Variants in SLC36A1 observed in about 807,000 individuals in gnomAD.
SLC36A1 encodes the protein solute carrier family 36 member 1.
Under a neutral mutation model 47.5 loss-of-function variants are expected in SLC36A1, and 30 were observed. The observed-to-expected ratio is 0.63, with a 90% confidence interval of 0.47 to 0.86. The LOEUF is 0.86. SLC36A1 is among the 40% of genes least tolerant of loss of function. The pLI, the probability that SLC36A1 is intolerant of heterozygous loss-of-function variation, is 0.00. For synonymous variants in SLC36A1, 255 were observed against 249.7 expected (o/e 1.02, Z -0.20); for missense variants, 517 against 606.0 (o/e 0.85, Z 1.54).
At chr5:151,554,890 C>T in the SLC36A1 span, among the ~76,000 whole-genome samples, 1 of 152,236 alleles carries the variant, frequency 6.6e-6, no homozygotes, top group Non-Finnish European at 1.5e-5. Context: ...TGGAAGAAGA[C>T]AGAGTCAGAG....
At chr5:151,353,429 T>G in the SLC36A1 span, among the ~76,000 whole-genome samples, 2 of 152,168 alleles carry the variant, frequency 1.3e-5, no homozygotes, top group Non-Finnish European at 2.9e-5. Context: ...TAGAGCAGTC[T>G]TAGGTTCACA....
At chr5:151,543,261 G>A in the SLC36A1 span, 2 of 1,614,084 alleles carry the variant, frequency 1.2e-6, no homozygotes, top group Non-Finnish European at 1.7e-6. Context: ...GGTTCACTGA[G>A]TAGGTGACAT....
chr5:151,402,711 G>C, the SLC36A1 span, among the ~76,000 whole-genome samples: 1 of 152,182 alleles, frequency 6.6e-6, no homozygotes, highest in African/African-American at 2.4e-5. Context: ...TCAGAGTCTT[G>C]ATTTCCTTCT....
At chr5:151,497,617 C>T in the SLC36A1 span, among the ~76,000 whole-genome samples, 2,232 of 152,170 alleles carry the variant, frequency 0.015, 50 homozygotes, top group African/African-American at 0.051. Context: ...GCTGGATTTC[C>T]GGCTGCTCTG....
At chr5:151,355,546 C>G in the SLC36A1 span, among the ~76,000 whole-genome samples, 109 of 152,210 alleles carry the variant, frequency 7.2e-4, 1 homozygote, top group East Asian at 9.7e-4. Context: ...GCAGCATTAT[C>G]TGTAATAGCA....
chr5:151,431,499 G>A, the SLC36A1 span: 1 of 152,200 alleles, frequency 6.6e-6, no homozygotes, highest in African/African-American at 2.4e-5. Context: ...TGGTTTGGTT[G>A]TGCCCCCACC....
the SLC36A1 span, among the ~76,000 whole-genome samples, chr5:151,374,133 A>G: frequency 6.6e-6 from 1 of 152,112 alleles, no homozygotes; most frequent in Non-Finnish European, 1.5e-5. Context: ...GCTGGAGGAC[A>G]CCTACCCTGG....
At chr5:151,504,281 C>T in the SLC36A1 span, 1 of 151,720 alleles carries the variant, frequency 6.6e-6, no homozygotes, top group African/African-American at 2.4e-5. Context: ...CTTTTGACTT[C>T]TGTCTCCAGA....
chr5:151,365,777 A>G, the SLC36A1 span, among the ~76,000 whole-genome samples: 2 of 152,194 alleles, frequency 1.3e-5, no homozygotes, highest in Non-Finnish European at 2.9e-5. Flanking sequence ...TTTTCTGTGA[A>G]ATGGAGAAGA....
the SLC36A1 span, among the ~76,000 whole-genome samples, chr5:151,430,360 A>C: frequency 8.8e-6 from 1 of 113,728 alleles, no homozygotes; most frequent in African/African-American, 3.8e-5. Flanking sequence ...ACTGAGCCTC[A>C]CTCAGTCACC....
At chr5:151,529,902 G>C in the SLC36A1 span, among the ~76,000 whole-genome samples, 1 of 152,148 alleles carries the variant, frequency 6.6e-6, no homozygotes. Flanking sequence ...AGAAATAAAA[G>C]AACAAGGATT....
chr5:151,490,319 G>C lies in SLC36A1; in HGVS notation c.*2065G>C, dbSNP rs1225133676. The C allele has an allele frequency of 6.6e-6, 1 of 152,208 alleles. No homozygotes were observed. Among genetic ancestry groups the C allele is most frequent in the African/African-American group, 2.4e-5 (1 of 41,428 alleles). 9.4% of individuals were successfully genotyped at this position (152,208 alleles called of 1,614,324 possible). ...ACTGTCATCTCCTGGTTCCAAGTTC[G>C]GGCTCTGGCAGCCCAGCCGCTATCT... On this transcript the variant is annotated 3_prime_UTR_variant, in exon 11 of 11. Transcript: ENST00000243389.
the SLC36A1 span, chr5:151,380,488 G>T: frequency 2.1e-6 from 1 of 470,994 alleles, no homozygotes; most frequent in South Asian, 1.6e-5. Context: ...GCCTATCCAA[G>T]AGCAGTTATG....
upstream of SLC36A1, among the ~76,000 whole-genome samples, chr5:151,446,445 G>A (rs1330831340): frequency 1.3e-5 from 2 of 152,070 alleles, no homozygotes; most frequent in Non-Finnish European, 2.9e-5. Context: ...CAGGAGAATC[G>A]CTTGAATCCA....
At chr5:151,532,910 T>G in the SLC36A1 span, among the ~76,000 whole-genome samples, 1 of 152,352 alleles carries the variant, frequency 6.6e-6, no homozygotes, top group East Asian at 1.9e-4. Flanking sequence ...GAGTTGAATT[T>G]ATATCCATTA....
At chr5:151,387,550 C>T in the SLC36A1 span, among the ~76,000 whole-genome samples, 1 of 152,186 alleles carries the variant, frequency 6.6e-6, no homozygotes, top group Admixed American at 6.5e-5. Flanking sequence ...TCCATCTCAA[C>T]TCCTGCACAG....
At chr5:151,382,004 G>T in the SLC36A1 span, 2 of 599,850 alleles carry the variant, frequency 3.3e-6, no homozygotes, top group South Asian at 2.1e-5. Flanking sequence ...TGCTAAAAAT[G>T]GCAGTGCTTA....
At chr5:151,549,345 A>T in the SLC36A1 span, 1 of 1,613,780 alleles carries the variant, frequency 6.2e-7, no homozygotes, top group African/African-American at 1.3e-5. Context: ...GTCAGCATCC[A>T]TGGCTCGGAC....
In SLC36A1 at chr5:151,488,350, A is replaced by C. The variant is rs1052712948; in HGVS notation, c.*96A>C. On this transcript the variant is annotated 3_prime_UTR_variant, in exon 11 of 11. Transcript: ENST00000243389. Reference sequence around the variant, plus strand: ...CAGGTATGGTCCAGGCTCTGAGGAAAGTCAGGGTTGCTGTGTGGGAACCCC... The same window carrying C: ...CAGGTATGGTCCAGGCTCTGAGGAACGTCAGGGTTGCTGTGTGGGAACCCC... The C allele has an allele frequency of 1.4e-6, 2 of 1,474,066 alleles. No individual in the cohort carries two copies. Among genetic ancestry groups the C allele is most frequent in the Non-Finnish European group, 1.8e-6 (2 of 1,094,962 alleles). The allele number at this position is 1,474,066 out of a possible 1,614,324, so 91.3% of individuals were successfully genotyped here.
Sources: allele counts gnomAD v4.1 joint callset (sites outside exome capture counted in the v4.1 genomes callset), GRCh38; gene constraint gnomAD v4.1.1; transcripts MANE v1.5; gene names NCBI Gene and HGNC (gene_info 2026-07-23, HGNC 2026-07-21).